The following SAMTOR variants were observed in gnomAD, a reference collection of about 807,000 sequenced individuals.
The protein encoded by SAMTOR is UPF0532 protein C7orf60.
chr7:112,911,865 C>G, the SAMTOR span, among the ~76,000 whole-genome samples: 2 of 151,672 alleles, frequency 1.3e-5, no homozygotes, highest in Non-Finnish European at 2.9e-5. Flanking sequence ...ACACTATTAA[C>G]CAGCTTGAAC....
At chr7:112,850,005 G>A in the SAMTOR span, among the ~76,000 whole-genome samples, 16 of 152,090 alleles carry the variant, frequency 1.1e-4, no homozygotes, top group East Asian at 1.9e-4. Flanking sequence ...TCAGGAGTTC[G>A]AGACCAGCCT....
the SAMTOR span, among the ~76,000 whole-genome samples, chr7:112,885,613 G>GAC: frequency 2.0e-5 from 3 of 152,196 alleles, no homozygotes; most frequent in African/African-American, 7.2e-5. Context: ...CCTCAGCCTG[G>GAC]ACTTCATTGT....
chr7:112,918,080 T>A, the SAMTOR span, among the ~76,000 whole-genome samples: 2 of 152,058 alleles, frequency 1.3e-5, 1 homozygote, highest in East Asian at 3.9e-4. Flanking sequence ...ACGTTCAGAT[T>A]CAGGAAATAC....
the SAMTOR span, among the ~76,000 whole-genome samples, chr7:112,933,984 A>G: frequency 6.6e-6 from 1 of 152,220 alleles, no homozygotes; most frequent in Admixed American, 6.5e-5. Context: ...GGACTCTTTG[A>G]AAATCAAAGC....
the SAMTOR span, among the ~76,000 whole-genome samples, chr7:112,862,859 G>A: frequency 1.7e-3 from 263 of 151,904 alleles, 2 homozygotes; most frequent in Middle Eastern, 3.4e-3. Flanking sequence ...AACCCAGGAC[G>A]TGGAGGTTGT....
chr7:112,939,333 G>A, the SAMTOR span: 1 of 549,856 alleles, frequency 1.8e-6, no homozygotes, highest in Non-Finnish European at 3.2e-6. Flanking sequence ...CTGGGGACAG[G>A]GGCTTGGAGG....
chr7:112,922,139 G>C, the SAMTOR span, among the ~76,000 whole-genome samples: 1 of 152,140 alleles, frequency 6.6e-6, no homozygotes, highest in African/African-American at 2.4e-5. Context: ...TATTTTTTTG[G>C]TGGAGACGGG....
At chr7:112,929,107 A>G in the SAMTOR span, among the ~76,000 whole-genome samples, 1 of 151,960 alleles carries the variant, frequency 6.6e-6, no homozygotes, top group Non-Finnish European at 1.5e-5. Context: ...CCTTTTTAAA[A>G]CATACAAAGC....
At chr7:112,874,449 T>C in the SAMTOR span, among the ~76,000 whole-genome samples, 12 of 152,004 alleles carry the variant, frequency 7.9e-5, no homozygotes, top group Non-Finnish European at 1.5e-4. Context: ...ACTGGGTACA[T>C]AGGGACATAA....
the SAMTOR span, among the ~76,000 whole-genome samples, chr7:112,864,515 G>C: frequency 6.6e-6 from 1 of 152,124 alleles, no homozygotes; most frequent in Non-Finnish European, 1.5e-5. Context: ...AGATCTTTGG[G>C]GGGTAGGCTT....
the SAMTOR span, among the ~76,000 whole-genome samples, chr7:112,923,703 A>G: frequency 6.6e-6 from 1 of 151,980 alleles, no homozygotes; most frequent in Non-Finnish European, 1.5e-5. Context: ...GTATATACCC[A>G]AAGGACTATA....
At chr7:112,934,607 GCCT>G in the SAMTOR span, among the ~76,000 whole-genome samples, 1 of 152,252 alleles carries the variant, frequency 6.6e-6, no homozygotes, top group South Asian at 2.1e-4. Context: ...TAGTATAAAA[GCCT>G]CCTTTCTCCT....
the SAMTOR span, among the ~76,000 whole-genome samples, chr7:112,900,629 T>G: frequency 2.6e-5 from 4 of 152,254 alleles, no homozygotes; most frequent in East Asian, 7.7e-4. Context: ...ACTACCAACT[T>G]CAAGACTTAC....
chr7:112,826,151 C>A, the SAMTOR span, among the ~76,000 whole-genome samples: 1 of 152,044 alleles, frequency 6.6e-6, no homozygotes, highest in East Asian at 1.9e-4. Context: ...TAACATTTGT[C>A]TGATTTTGAT....
the SAMTOR span, among the ~76,000 whole-genome samples, chr7:112,849,180 G>C: frequency 1.3e-5 from 2 of 151,868 alleles, no homozygotes; most frequent in African/African-American, 4.8e-5. Context: ...TCTTTCATTG[G>C]TTTCTGCAAG....
the SAMTOR span, among the ~76,000 whole-genome samples, chr7:112,884,006 A>G: frequency 6.6e-6 from 1 of 152,208 alleles, no homozygotes; most frequent in Non-Finnish European, 1.5e-5. Context: ...CAATCATAGC[A>G]GAAGGAGAAG....
chr7:112,896,205 G>A, the SAMTOR span, among the ~76,000 whole-genome samples: 3 of 152,000 alleles, frequency 2.0e-5, no homozygotes, highest in Admixed American at 6.6e-5. Context: ...ACGCGCGCAC[G>A]CGCGTGTGTG....
the SAMTOR span, among the ~76,000 whole-genome samples, chr7:112,855,053 T>C: frequency 6.6e-6 from 1 of 152,168 alleles, no homozygotes; most frequent in Non-Finnish European, 1.5e-5. Flanking sequence ...TATCAGTAGG[T>C]ACTACTACTC....
chr7:112,857,757 A>G, the SAMTOR span, among the ~76,000 whole-genome samples: 169 of 152,324 alleles, frequency 1.1e-3, no homozygotes, highest in Middle Eastern at 6.8e-3. Flanking sequence ...GCAATGGCCC[A>G]AGTTGCCTGC....
Sources: gnomAD v4.1 joint callset for allele counts (sites outside exome capture counted in the v4.1 genomes callset) on GRCh38, gnomAD v4.1.1 for gene constraint, MANE v1.5 for transcripts, NCBI Gene and HGNC (gene_info 2026-07-23, HGNC 2026-07-21) for gene names.